FNDC3B: variants seen among roughly 807,000 people sequenced by gnomAD.
FNDC3B encodes the protein fibronectin type III domain containing 3B.
In FNDC3B, 12 loss-of-function variants were observed where a neutral mutation model predicts 151.5. The observed-to-expected ratio is 0.08, with a 90% confidence interval of 0.05 to 0.13. The LOEUF is 0.13. Ranked by LOEUF, FNDC3B falls within the 10% of genes least tolerant of loss-of-function variation. FNDC3B has a pLI of 1.00. For synonymous variants in FNDC3B, 528 were observed against 549.0 expected (o/e 0.96, Z 0.54); for missense variants, 1,214 against 1,505.3 (o/e 0.81, Z 3.20).
At chr3:172,185,320 G>A (rs1724114234) in intron 3 of FNDC3B, among the ~76,000 whole-genome samples, 1 of 152,116 alleles carries the variant, frequency 6.6e-6, no homozygotes, top group South Asian at 2.1e-4. Flanking sequence ...TCTTCCCACT[G>A]TACCCATTTA....
chr3:172,112,742 T>C (rs920858564), intron 2 of FNDC3B, 152 bp downstream of exon 2: 4 of 638,862 alleles, frequency 6.3e-6, no homozygotes, highest in African/African-American at 5.5e-5. Context: ...CTGTATCGTT[T>C]TTTAAAATGT....
At chr3:172,051,893 T>G (rs1202195010) in intron 1 of FNDC3B, among the ~76,000 whole-genome samples, 2 of 152,180 alleles carry the variant, frequency 1.3e-5, no homozygotes, top group East Asian at 3.8e-4. Context: ...GTGAATTGAT[T>G]TGGAAAATTC....
chr3:172,166,858 C>T (rs1313612282), intron 3 of FNDC3B, among the ~76,000 whole-genome samples: 1 of 152,004 alleles, frequency 6.6e-6, no homozygotes, highest in African/African-American at 2.4e-5. Flanking sequence ...GTCCATTTAT[C>T]TCTGTTCCTC....
At chr3:172,135,739 G>T (rs962489439) in intron 3 of FNDC3B, among the ~76,000 whole-genome samples, 2 of 152,238 alleles carry the variant, frequency 1.3e-5, no homozygotes, top group African/African-American at 4.8e-5. Flanking sequence ...AGCCCAGCAG[G>T]CTGAACCCCA....
intron 1 of FNDC3B, among the ~76,000 whole-genome samples, chr3:172,055,350 C>T (rs762203148): frequency 1.3e-5 from 2 of 151,978 alleles, no homozygotes; most frequent in Non-Finnish European, 2.9e-5. Flanking sequence ...GATTATTGTC[C>T]TGTATCTTTA....
chr3:172,106,460 G>A (rs1719648742), intron 1 of FNDC3B, among the ~76,000 whole-genome samples: 1 of 152,194 alleles, frequency 6.6e-6, no homozygotes, highest in Non-Finnish European at 1.5e-5. Context: ...GTTTGGTTCT[G>A]ATGGGTATAC....
At chr3:172,227,023 A>G (rs1726624118) in intron 4 of FNDC3B, 76 bp downstream of exon 4, 1 of 1,028,394 alleles carries the variant, frequency 9.7e-7, no homozygotes, top group Admixed American at 1.7e-5. Context: ...TGAGGCTTCA[A>G]AGCCATATTC....
intron 25 of FNDC3B, among the ~76,000 whole-genome samples, chr3:172,393,790 C>T (rs1490564295): frequency 6.6e-6 from 1 of 151,876 alleles, no homozygotes; most frequent in African/African-American, 2.4e-5. Flanking sequence ...TATTTTGAGG[C>T]AAATGGAAAC....
intron 24 of FNDC3B, among the ~76,000 whole-genome samples, chr3:172,379,359 G>A (rs911124357): frequency 3.3e-5 from 5 of 152,250 alleles, no homozygotes; most frequent in Non-Finnish European, 7.3e-5. Context: ...CTGCACAAGA[G>A]ATCCTTGCAT....
chr3:172,049,275 A>G (rs1281332228), intron 1 of FNDC3B, among the ~76,000 whole-genome samples: 1 of 152,062 alleles, frequency 6.6e-6, no homozygotes, highest in East Asian at 1.9e-4. Context: ...TCCCTAGGCC[A>G]TTTTTTGGAG....
intron 2 of FNDC3B, among the ~76,000 whole-genome samples, chr3:172,130,395 A>G (rs1023621959): frequency 1.3e-5 from 2 of 152,216 alleles, no homozygotes; most frequent in African/African-American, 4.8e-5. Context: ...ATGGCTACTC[A>G]GCAGCAGTGA....
intron 3 of FNDC3B, among the ~76,000 whole-genome samples, chr3:172,223,577 T>C (rs958286096): frequency 6.6e-6 from 1 of 152,204 alleles, no homozygotes; most frequent in African/African-American, 2.4e-5. Flanking sequence ...TAAGAGACTA[T>C]TTGCATGGTA....
At chr3:172,327,212 C>G (rs1450033140) in intron 11 of FNDC3B, among the ~76,000 whole-genome samples, 1 of 152,180 alleles carries the variant, frequency 6.6e-6, no homozygotes, top group African/African-American at 2.4e-5. Flanking sequence ...GCTTTACTTG[C>G]TGCACACCCC....
chr3:172,341,701 T>A (rs1326454590), intron 17 of FNDC3B, among the ~76,000 whole-genome samples: 1 of 152,170 alleles, frequency 6.6e-6, no homozygotes, highest in Non-Finnish European at 1.5e-5. Flanking sequence ...GCAAAAACAA[T>A]ATAAATCCAT....
At chr3:172,075,096 T>C (rs1158912838) in intron 1 of FNDC3B, among the ~76,000 whole-genome samples, 2 of 152,230 alleles carry the variant, frequency 1.3e-5, no homozygotes, top group Admixed American at 1.3e-4. Context: ...TCCTTAATAC[T>C]TTTATCATGT....
At chr3:172,136,779 G>A (rs1471439503) in intron 3 of FNDC3B, among the ~76,000 whole-genome samples, 1 of 152,146 alleles carries the variant, frequency 6.6e-6, no homozygotes, top group Admixed American at 6.5e-5. Context: ...GAGTGCAGTG[G>A]CACAATCTCG....
At chr3:172,062,421 C>T (rs187832004) in intron 1 of FNDC3B, among the ~76,000 whole-genome samples, 1 of 151,920 alleles carries the variant, frequency 6.6e-6, no homozygotes, top group East Asian at 1.9e-4. Context: ...AAGTGATTCT[C>T]CTGCCTCAGC....
chr3:172,062,799 ATTAG>A (rs1451161155), intron 1 of FNDC3B, among the ~76,000 whole-genome samples: 2 of 151,844 alleles, frequency 1.3e-5, no homozygotes, highest in African/African-American at 4.8e-5. Flanking sequence ...TTTGACTTCT[ATTAG>A]TTATTTCCTG....
At chr3:172,151,994 T>C (rs1405219389) in intron 3 of FNDC3B, among the ~76,000 whole-genome samples, 2 of 152,316 alleles carry the variant, frequency 1.3e-5, no homozygotes, top group East Asian at 1.9e-4. Flanking sequence ...GCTGGTGATA[T>C]CCACTTGTGG....
Sources: gnomAD v4.1 joint callset for allele counts (sites outside exome capture counted in the v4.1 genomes callset) on GRCh38, gnomAD v4.1.1 for gene constraint, MANE v1.5 for transcripts, NCBI Gene and HGNC (gene_info 2026-07-23, HGNC 2026-07-21) for gene names.